Variants in SCN3A observed in about 807,000 individuals in gnomAD.
SCN3A encodes sodium voltage-gated channel alpha subunit 3.
In SCN3A, 60 loss-of-function variants were observed where a neutral mutation model predicts 187.6. The observed-to-expected ratio is 0.32, with a 90% confidence interval of 0.26 to 0.40. The LOEUF (loss-of-function observed/expected upper bound fraction) is 0.40. Among genes scored for constraint, SCN3A ranks in the 10% least tolerant of loss-of-function variants. The probability of loss-of-function intolerance (pLI) is 1.00; values close to 1 mark genes in which losing one functional copy is unlikely to be tolerated. For missense variants in SCN3A, 1,601 were observed against 2,428.2 expected (o/e 0.66, Z 7.16); for synonymous variants, 788 against 829.2 (o/e 0.95, Z 0.85).
chr2:165,133,593 C>T (rs1367165843), intron 15 of SCN3A, among the ~76,000 whole-genome samples: 1 of 151,794 alleles, frequency 6.6e-6, no homozygotes, highest in Non-Finnish European at 1.5e-5. Context: ...ATCTGCCCGC[C>T]TCAGCCTCCC....
intron 10 of SCN3A, 98 bp downstream of exon 10, chr2:165,155,664 G>T: frequency 7.2e-7 from 1 of 1,392,694 alleles, no homozygotes; most frequent in Non-Finnish European, 1.0e-6. Context: ...CTCCCAAAGT[G>T]CTAGGGTTAC....
intron 18 of SCN3A, among the ~76,000 whole-genome samples, chr2:165,121,002 A>C (rs1369366021): frequency 2.0e-5 from 3 of 152,146 alleles, no homozygotes; most frequent in African/African-American, 7.2e-5. Context: ...ATCAAAAAGG[A>C]AAAAGAAAAA....
At chr2:165,114,742 T>G (rs1686278042) in intron 19 of SCN3A, among the ~76,000 whole-genome samples, 1 of 152,204 alleles carries the variant, frequency 6.6e-6, no homozygotes, top group Admixed American at 6.5e-5. Flanking sequence ...ACATTGGAAC[T>G]GTAAGGGAGG....
intron 5 of SCN3A, among the ~76,000 whole-genome samples, chr2:165,167,182 A>G (rs1021164417): frequency 1.3e-5 from 2 of 152,174 alleles, no homozygotes; most frequent in Admixed American, 6.5e-5. Flanking sequence ...TGAAATTGAT[A>G]CATGTTTAAA....
At chr2:165,150,634 T>C (rs1688636820) in intron 11 of SCN3A, among the ~76,000 whole-genome samples, 1 of 152,202 alleles carries the variant, frequency 6.6e-6, no homozygotes, top group Admixed American at 6.5e-5. Context: ...TTAGCCGAAC[T>C]CATCATAATC....
chr2:165,110,933 A>G (rs1298258660), intron 21 of SCN3A, among the ~76,000 whole-genome samples: 1 of 152,252 alleles, frequency 6.6e-6, no homozygotes, highest in South Asian at 2.1e-4. Flanking sequence ...AGATTTTTAC[A>G]TGATAATCAT....
At chr2:165,094,994 A>G (rs945619325) in intron 25 of SCN3A, among the ~76,000 whole-genome samples, 19 of 152,188 alleles carry the variant, frequency 1.2e-4, no homozygotes, top group Non-Finnish European at 2.6e-4. Flanking sequence ...ACTCAGAGAC[A>G]AGCTGTTACA....
chr2:165,153,782 ATATTCGTGAGT>A (rs2105858059), intron 11 of SCN3A, among the ~76,000 whole-genome samples: 1 of 152,176 alleles, frequency 6.6e-6, no homozygotes, highest in African/African-American at 2.4e-5. Context: ...TTTTTACTAT[ATATTCGTGAGT>A]CTTCACCTTT....
intron 23 of SCN3A, among the ~76,000 whole-genome samples, chr2:165,096,836 C>T (rs1685384911): frequency 6.6e-6 from 1 of 152,108 alleles, no homozygotes; most frequent in African/African-American, 2.4e-5. Flanking sequence ...TGCATTTTGA[C>T]ACATAGTAGA....
chr2:165,188,490 C>T (rs1221350912), intron 1 of SCN3A, among the ~76,000 whole-genome samples: 1 of 152,078 alleles, frequency 6.6e-6, no homozygotes, highest in East Asian at 1.9e-4. Flanking sequence ...CTTCAGTGAG[C>T]ATAAGAATCA....
chr2:165,095,192 T>C (rs967261961), intron 25 of SCN3A, among the ~76,000 whole-genome samples: 1 of 152,086 alleles, frequency 6.6e-6, no homozygotes, highest in African/African-American at 2.4e-5. Context: ...GAGTGAAGTG[T>C]AGGAAAAAAT....
intron 18 of SCN3A, among the ~76,000 whole-genome samples, chr2:165,125,355 G>C (rs1384542650): frequency 6.6e-6 from 1 of 151,672 alleles, no homozygotes; most frequent in Admixed American, 6.6e-5. Flanking sequence ...TCAGGCTGGA[G>C]TGCAGTGGCG....
intron 4 of SCN3A, 64 bp downstream of exon 4, chr2:165,170,366 C>T: frequency 1.1e-6 from 1 of 949,998 alleles, no homozygotes; most frequent in East Asian, 2.4e-5. Flanking sequence ...GAAAATATAA[C>T]TGACATTTTC....
intron 7 of SCN3A, 54 bp downstream of exon 7, chr2:165,163,564 T>C (rs1304335750): frequency 4.1e-5 from 65 of 1,584,204 alleles, no homozygotes; most frequent in Non-Finnish European, 5.3e-5. Context: ...GTCATATAAA[T>C]TGATTTCAAA....
At chr2:165,102,958 T>G (rs1355988974) in intron 21 of SCN3A, among the ~76,000 whole-genome samples, 1 of 152,226 alleles carries the variant, frequency 6.6e-6, no homozygotes, top group Non-Finnish European at 1.5e-5. Flanking sequence ...TTTAATCAAA[T>G]AACTTAAAAT....
Position 165,140,784 on chromosome 2 carries a change from C to CCCG in SCN3A, c.1885_1886insCGG (p.Ser629delinsThrGly), listed in dbSNP as rs1426903134. 6.2e-7 allele frequency: 1 copy of CCCG among 1,614,148 alleles called. No individual in the cohort carries two copies. On this transcript the variant is annotated protein_altering_variant, in exon 13 of 28. Coordinates refer to ENST00000283254, the MANE Select transcript of SCN3A (RefSeq NM_006922.4). This position sits in a 1 kb window ranked among gnomAD's most constrained non-coding sequence, Gnocchi z 4.2. Reference sequence around the variant, plus strand: ...CCCTGGCACCATCCTGGATGACATACTGGCCTGACTAACGTTACTGTTGCG... The same window carrying CCCG: ...CCCTGGCACCATCCTGGATGACATACCCGTGGCCTGACTAACGTTACTGTTGCG...
In SCN3A at chr2:165,097,246, A is replaced by G. The variant is rs199549688; in HGVS notation, c.4239+6T>C. ...CTTTTTCAAAACTCGTACAGTAGCC[A>G]CTTACCACTTGAAGCAGTGCAAGAT... On this transcript the variant is annotated splice_donor_region_variant and intron_variant, in intron 23 of 27. Transcript: ENST00000283254. 1.4e-5 allele frequency: 23 copies of G among 1,613,984 alleles called. No homozygotes were observed. Among genetic ancestry groups the G allele is most frequent in the African/African-American group, 2.7e-5 (2 of 74,926 alleles).
rs116883478 is a variant in SCN3A, at chr2:165,153,411, A to G, written c.1380+1041T>C. ...TTCTTAGATCCAAAAGAATGATTTAAACAAAAAAGCTAAGAAATAATACTC... is the reference window on the plus strand; with the variant it reads ...TTCTTAGATCCAAAAGAATGATTTAGACAAAAAAGCTAAGAAATAATACTC... On this transcript the variant is annotated intron_variant, in intron 11 of 27. Transcript: ENST00000283254. Among the ~76,000 whole-genome samples, 363 of 152,300 alleles carry G rather than the reference A, an allele frequency of 2.4e-3. 4 individuals are homozygous for G. In the East Asian group the frequency reaches 0.041, roughly 17 times the overall value.
At chr2:165,176,869 A>G (rs1051940888) in intron 2 of SCN3A, among the ~76,000 whole-genome samples, 1 of 152,218 alleles carries the variant, frequency 6.6e-6, no homozygotes, top group African/African-American at 2.4e-5. Context: ...ATTATTCTGC[A>G]TCCTGCCCCC....
Sources: allele counts gnomAD v4.1 joint callset (sites outside exome capture counted in the v4.1 genomes callset), GRCh38; gene constraint gnomAD v4.1.1; non-coding constraint Gnocchi (gnomAD v3.1); transcripts MANE v1.5; gene names NCBI Gene and HGNC (gene_info 2026-07-23, HGNC 2026-07-21).